Variants in MARCHF3 observed in about 807,000 individuals in gnomAD.
MARCHF3 encodes the protein E3 ubiquitin-protein ligase MARCHF3.
In MARCHF3, 13 loss-of-function variants were observed where a neutral mutation model predicts 24.2. The observed-to-expected ratio is 0.54, with a 90% CI of 0.35 to 0.85. MARCHF3 has a LOEUF of 0.85. MARCHF3 is among the 40% of genes least tolerant of loss of function. The pLI is 0.01. For synonymous variants in MARCHF3, 144 were observed against 137.3 expected (o/e 1.05, Z -0.34); for missense variants, 276 against 325.0 (o/e 0.85, Z 1.16).
chr5:126,949,220 G>T (rs1354712418), intron 1 of MARCHF3, among the ~76,000 whole-genome samples: 1 of 152,100 alleles, frequency 6.6e-6, no homozygotes, highest in East Asian at 1.9e-4. Context: ...GCTAATAAAT[G>T]ATATGAAATC....
chr5:126,868,925 G>C lies in MARCHF3; in HGVS notation c.*1708C>G, dbSNP rs1018073383. The C allele has an allele frequency of 6.6e-6, 1 of 152,272 alleles. No individual in the cohort carries two copies. The highest frequency in any genetic ancestry group is 2.4e-5 in the African/African-American group (1 of 41,450). 9.4% of individuals were successfully genotyped at this position (152,272 alleles called of 1,614,324 possible). A position where few individuals can be genotyped will look rare whatever the true frequency, so the allele number is the denominator to read the frequency against. The stretch of plus-strand genomic sequence containing the variant: ...ATGACAGCCCAGGGGGGTGAGCAGG[G>C]CGCAGTAAACAGAAGGGCTGAGACA... On this transcript the variant is annotated 3_prime_UTR_variant, in exon 5 of 5. Transcript: ENST00000308660.
intron 1 of MARCHF3, among the ~76,000 whole-genome samples, chr5:127,003,936 G>C (rs1752222445): frequency 6.6e-6 from 1 of 152,186 alleles, no homozygotes; most frequent in African/African-American, 2.4e-5. Flanking sequence ...AGGGTTCTGG[G>C]AGGGGCCCTG....
At chr5:127,024,698 A>G (rs1752936163) in intron 1 of MARCHF3, among the ~76,000 whole-genome samples, 2 of 152,208 alleles carry the variant, frequency 1.3e-5, no homozygotes, top group Admixed American at 6.5e-5. Flanking sequence ...TCAATTAAAA[A>G]GATAAGTCTA....
chr5:126,873,983 C>T (rs187625710), intron 4 of MARCHF3, among the ~76,000 whole-genome samples: 259 of 151,902 alleles, frequency 1.7e-3, no homozygotes, highest in Non-Finnish European at 2.5e-4. Context: ...AATAAGGCAG[C>T]GAGGAAAAAG....
At position 127,007,218 on chromosome 5, in the gene MARCHF3, C is replaced by T. The variant is rs80044782; in HGVS notation, c.-57+23132G>A. ...GCAACAGTTTCTATAATTCCTTCCA[C>T]AGCATTTTTCTGACAAAGAAATTCA... On this transcript the variant is annotated intron_variant, in intron 1 of 4. Coordinates refer to ENST00000308660, the MANE Select transcript of MARCHF3 (RefSeq NM_178450.5). Among the ~76,000 whole-genome samples the T allele has an allele frequency of 1.2e-3, 190 of 152,068 alleles. No individual in the cohort carries two copies. In the Middle Eastern group the frequency reaches 0.031, roughly 25 times the overall value.
At chr5:127,017,228 G>A (rs188378128) in intron 1 of MARCHF3, among the ~76,000 whole-genome samples, 5 of 152,150 alleles carry the variant, frequency 3.3e-5, no homozygotes, top group South Asian at 4.2e-4. Flanking sequence ...AAACCTGCAC[G>A]TTGTGCACAT....
intron 1 of MARCHF3, among the ~76,000 whole-genome samples, chr5:126,984,017 C>A (rs1751481018): frequency 6.6e-6 from 1 of 151,602 alleles, no homozygotes; most frequent in African/African-American, 2.4e-5. Flanking sequence ...TGCTTGTGAT[C>A]TACAGCTAAC....
intron 1 of MARCHF3, among the ~76,000 whole-genome samples, chr5:127,014,375 G>T (rs1752565683): frequency 6.6e-6 from 1 of 152,068 alleles, no homozygotes; most frequent in Non-Finnish European, 1.5e-5. Flanking sequence ...AACTAGTACA[G>T]CCATTATCAA....
Position 126,914,927 on chromosome 5 carries a change from G to T in MARCHF3, c.393+3C>A. On this transcript the variant is annotated splice_donor_region_variant and intron_variant, in intron 3 of 4. Transcript: ENST00000308660. Reference sequence around the variant, plus strand: ...GTTTTCAGGACGTGCCCCACTTACTGACCTCCACTAACGGCCTGGGTTTGC... The same window carrying T: ...GTTTTCAGGACGTGCCCCACTTACTTACCTCCACTAACGGCCTGGGTTTGC... 1 of 1,613,978 alleles carries T rather than the reference G, an allele frequency of 6.2e-7. No individual in the cohort carries two copies. Among genetic ancestry groups the T allele is most frequent in the Non-Finnish European group, 8.5e-7 (1 of 1,180,008 alleles).
chr5:126,997,282 G>A (rs1751979818), intron 1 of MARCHF3, among the ~76,000 whole-genome samples: 1 of 152,198 alleles, frequency 6.6e-6, no homozygotes, highest in Non-Finnish European at 1.5e-5. Context: ...AAAGGTAACA[G>A]ATATGATGTG....
intron 1 of MARCHF3, among the ~76,000 whole-genome samples, chr5:127,014,691 A>G (rs1752579520): frequency 6.6e-6 from 1 of 152,222 alleles, no homozygotes; most frequent in Admixed American, 6.5e-5. Flanking sequence ...TATGTTAAGT[A>G]AAATAAGCCA....
intron 1 of MARCHF3, among the ~76,000 whole-genome samples, chr5:127,007,972 C>T (rs1255586983): frequency 2.0e-5 from 3 of 152,092 alleles, no homozygotes; most frequent in African/African-American, 4.8e-5. Flanking sequence ...CAGCTGAGCT[C>T]GGTATGCTGA....
chr5:126,955,963 C>T (rs1417960173), intron 1 of MARCHF3, among the ~76,000 whole-genome samples: 1 of 152,116 alleles, frequency 6.6e-6, no homozygotes, highest in Non-Finnish European at 1.5e-5. Context: ...TTAAAATTAT[C>T]CATTTGTATG....
intron 3 of MARCHF3, among the ~76,000 whole-genome samples, chr5:126,906,774 G>C (rs1225515956): frequency 5.9e-5 from 9 of 151,998 alleles, no homozygotes; most frequent in Non-Finnish European, 1.3e-4. Flanking sequence ...ACCAGCTCCT[G>C]GATTCGTTAA....
At chr5:127,004,960 T>TAA (rs763590930) in intron 1 of MARCHF3, among the ~76,000 whole-genome samples, 1 of 143,580 alleles carries the variant, frequency 7.0e-6, no homozygotes, top group African/African-American at 2.6e-5. Flanking sequence ...ATGCTGGAGT[T>TAA]AAAAAAAAAA....
chr5:126,870,987 G>T (rs1374207957), intron 4 of MARCHF3, among the ~76,000 whole-genome samples, 196 bp from the exon 5 acceptor site: 2 of 152,220 alleles, frequency 1.3e-5, no homozygotes, highest in African/African-American at 4.8e-5. Context: ...AGCACCCTAT[G>T]TGTGGACACA....
chr5:126,996,471 T>C lies in MARCHF3; in HGVS notation c.-57+33879A>G, dbSNP rs375130311. 9.2e-5 allele frequency among the ~76,000 whole-genome samples: 14 copies of C among 151,710 alleles called. No individual in the cohort carries two copies. In the East Asian group the frequency reaches 2.7e-3, roughly 29 times the overall value. On this transcript the variant is annotated intron_variant, in intron 1 of 4. Coordinates refer to ENST00000308660, the MANE Select transcript of MARCHF3 (RefSeq NM_178450.5). ...TGTCCATTAAAGCATTTCAGCTGGG[T>C]CCCTGGTTTAAATGTATTGCTTGTG...
intron 3 of MARCHF3, among the ~76,000 whole-genome samples, chr5:126,885,150 C>G (rs540803557): frequency 6.6e-6 from 1 of 152,192 alleles, no homozygotes; most frequent in Non-Finnish European, 1.5e-5. Context: ...TGAAACGATG[C>G]TATTTCTTTA....
chr5:126,945,537 TC>T (rs1749982344), intron 1 of MARCHF3, among the ~76,000 whole-genome samples: 1 of 151,990 alleles, frequency 6.6e-6, no homozygotes, highest in African/African-American at 2.4e-5. Context: ...ATTTGCAAAC[TC>T]CCCAGTGTTA....
Sources: allele counts gnomAD v4.1 joint callset (sites outside exome capture counted in the v4.1 genomes callset), GRCh38; gene constraint gnomAD v4.1.1; transcripts MANE v1.5; gene names NCBI Gene and HGNC (gene_info 2026-07-23, HGNC 2026-07-21).